THADA: variants seen among roughly 807,000 people sequenced by gnomAD.
THADA encodes tRNA (32-2'-O)-methyltransferase regulator THADA.
Under a neutral mutation model 219.8 loss-of-function variants are expected in THADA, and 213 were observed. That is an observed-to-expected ratio of 0.97 (90% CI 0.87 to 1.09). THADA has a LOEUF of 1.09. THADA is among the 50% of genes least tolerant of loss of function. The probability of loss-of-function intolerance (pLI) is 0.00; values close to 1 mark genes in which losing one functional copy is unlikely to be tolerated. For synonymous variants in THADA, 1,018 were observed against 828.9 expected, an observed-to-expected ratio of 1.23 and a Z score of -3.92; for missense variants, 2,956 against 2,311.3, an observed-to-expected ratio of 1.28 and a Z score of -5.72.
intron 36 of THADA, among the ~76,000 whole-genome samples, chr2:43,266,581 C>T (rs1351894297): frequency 3.9e-5 from 6 of 152,018 alleles, no homozygotes; most frequent in Non-Finnish European, 5.9e-5. Flanking sequence ...CCAGCCTGGG[C>T]GACAAAGTGA....
At chr2:43,370,757 A>G (rs1281808263) in intron 29 of THADA, among the ~76,000 whole-genome samples, 2 of 152,228 alleles carry the variant, frequency 1.3e-5, no homozygotes, top group Admixed American at 1.3e-4. Context: ...TCTGTGAAAT[A>G]AAAAGCTTCA....
chr2:43,541,425 C>T (rs929482221), intron 20 of THADA, 109 bp from the exon 21 acceptor site: 26 of 1,236,456 alleles, frequency 2.1e-5, no homozygotes, highest in African/African-American at 1.2e-4. Context: ...TGAACAAACC[C>T]GATTTGTCAT....
intron 35 of THADA, 24 bp downstream of exon 35, chr2:43,286,884 A>C (rs770298746): frequency 1.3e-5 from 21 of 1,600,042 alleles, no homozygotes; most frequent in Non-Finnish European, 1.6e-5. Flanking sequence ...TTGGTACAAC[A>C]GACTTCCGTC....
At chr2:43,298,711 C>T (rs1360222899) in intron 31 of THADA, among the ~76,000 whole-genome samples, 2 of 152,064 alleles carry the variant, frequency 1.3e-5, no homozygotes. Context: ...GAGTTGGACA[C>T]CCAGACCCAT....
intron 15 of THADA, chr2:43,562,510 T>G (rs1698190213): frequency 6.6e-6 from 1 of 152,192 alleles, no homozygotes; most frequent in Non-Finnish European, 1.5e-5. Flanking sequence ...CCTCCCAAAG[T>G]GGTGGGATTA....
chr2:43,503,211 G>GTA (rs1265545083), intron 24 of THADA, among the ~76,000 whole-genome samples: 5 of 152,156 alleles, frequency 3.3e-5, no homozygotes, highest in Non-Finnish European at 7.3e-5. Context: ...CTACTTCTAG[G>GTA]TATATAACCT....
intron 35 of THADA, among the ~76,000 whole-genome samples, chr2:43,283,406 C>T (rs923889533): frequency 6.6e-6 from 1 of 152,112 alleles, no homozygotes; most frequent in African/African-American, 2.4e-5. Flanking sequence ...GAGGTTGAAA[C>T]AGTTTGGAGG....
chr2:43,427,189 T>C (rs1044681373), intron 28 of THADA, among the ~76,000 whole-genome samples: 1 of 152,154 alleles, frequency 6.6e-6, no homozygotes. Flanking sequence ...TCGCAGACTC[T>C]TCCAGAGTGA....
chr2:43,427,970 C>A (rs1678705664), intron 28 of THADA, 130 bp downstream of exon 28: 4 of 458,664 alleles, frequency 8.7e-6, no homozygotes, highest in Non-Finnish European at 1.2e-5. Context: ...AACAAACAAA[C>A]AAACAAATAA....
chr2:43,272,657 C>T (rs1672266518), intron 36 of THADA, among the ~76,000 whole-genome samples: 1 of 142,272 alleles, frequency 7.0e-6, no homozygotes, highest in Non-Finnish European at 1.5e-5. Context: ...CAAGGTCTCA[C>T]TCTGTCACCT....
chr2:43,292,299 A>T, intron 32 of THADA, 77 bp from the exon 33 acceptor site: 1 of 929,496 alleles, frequency 1.1e-6, no homozygotes, highest in South Asian at 1.8e-5. Context: ...CATGATAATC[A>T]ATTGTATCAA....
Position 43,544,202 on chromosome 2 carries a change from T to G in THADA, c.3107-2886A>C, listed in dbSNP as rs184562651. On this transcript the variant is annotated intron_variant, in intron 20 of 37. Coordinates refer to ENST00000405975, the MANE Select transcript of THADA (RefSeq NM_022065.5). The stretch of plus-strand genomic sequence containing the variant: ...AGTTGTAGATAAGAGTGGCGTTATT[T>G]CTGAGGGCTCTGTTCTGTTCCATTG... 5.9e-5 allele frequency among the ~76,000 whole-genome samples: 9 copies of G among 152,308 alleles called. No individual in the cohort carries two copies. In the East Asian group the frequency reaches 1.5e-3, roughly 26 times the overall value.
chr2:43,465,724 A>G (rs1684150801), intron 26 of THADA, among the ~76,000 whole-genome samples: 1 of 152,098 alleles, frequency 6.6e-6, no homozygotes, highest in South Asian at 2.1e-4. Context: ...CTGGCATAAA[A>G]TACCACCTAC....
At chr2:43,399,837 G>A (rs189555477) in intron 28 of THADA, among the ~76,000 whole-genome samples, 12 of 151,248 alleles carry the variant, frequency 7.9e-5, no homozygotes, top group East Asian at 2.0e-4. Context: ...ATAGGAAATG[G>A]TAAGGGTGGG....
chr2:43,316,569 A>G (rs1321578516), intron 31 of THADA, among the ~76,000 whole-genome samples: 2 of 152,214 alleles, frequency 1.3e-5, no homozygotes, highest in Non-Finnish European at 2.9e-5. Flanking sequence ...AGTGAAGGCG[A>G]GGAGGTGAAC....
rs576553467 is a variant in THADA, at chr2:43,570,547, C to A, written c.2065-37G>T. ...AAGGAAATGAAGCACAGGTGAGCCA[C>A]ACATTAAATTTAAATGTCAGCCTGA... On this transcript the variant is annotated intron_variant, in intron 13 of 37. Transcript: ENST00000405975. 3 of 1,579,850 alleles carry A rather than the reference C, an allele frequency of 1.9e-6. No individual in the cohort carries two copies. The East Asian group carries it at 6.8e-5, about 36-fold the overall frequency.
intron 36 of THADA, chr2:43,233,291 C>T (rs988384593): frequency 6.7e-4 from 116 of 173,128 alleles, no homozygotes; most frequent in African/African-American, 2.5e-3. Flanking sequence ...GCACAAGACA[C>T]ATCCTAGAGC....
chr2:43,253,669 C>T (rs1243124581), intron 36 of THADA, among the ~76,000 whole-genome samples: 3 of 152,112 alleles, frequency 2.0e-5, no homozygotes, highest in African/African-American at 7.2e-5. Flanking sequence ...TGCTGCCCAC[C>T]TTTAATTTCT....
intron 21 of THADA, among the ~76,000 whole-genome samples, chr2:43,540,574 GA>G (rs1285854649): frequency 1.3e-5 from 2 of 152,134 alleles, no homozygotes; most frequent in Admixed American, 1.3e-4. Context: ...AAGGAAGAGG[GA>G]ATCAATTAAA....
Sources: gnomAD v4.1 joint callset for allele counts (sites outside exome capture counted in the v4.1 genomes callset) on GRCh38, gnomAD v4.1.1 for gene constraint, MANE v1.5 for transcripts, NCBI Gene and HGNC (gene_info 2026-07-23, HGNC 2026-07-21) for gene names.